The following AGMO variants were observed in gnomAD, a reference collection of about 807,000 sequenced individuals.
AGMO encodes the protein glyceryl-ether monooxygenase.
AGMO carries 75 observed loss-of-function variants against 60.2 expected under a neutral mutation model. The observed-to-expected ratio is 1.25, with a 90% confidence interval of 1.03 to 1.51. The LOEUF (loss-of-function observed/expected upper bound fraction) is 1.51, where lower values mean the gene tolerates loss of function less well. AGMO is among the 40% of genes most tolerant of loss of function. The probability of loss-of-function intolerance (pLI) is 0.00; values close to 1 mark genes in which losing one functional copy is unlikely to be tolerated. For missense variants in AGMO, 763 were observed against 525.5 expected (o/e 1.45, Z -4.42); for synonymous variants, 261 against 177.1 (o/e 1.47, Z -3.76).
At chr7:15,374,831 T>TA (rs1418789390) in intron 10 of AGMO, among the ~76,000 whole-genome samples, 3 of 151,788 alleles carry the variant, frequency 2.0e-5, no homozygotes, top group Non-Finnish European at 2.9e-5. Context: ...ATTTGGAAAA[T>TA]AGAGTACCAA....
At chr7:15,367,493 A>G (rs889206736) in intron 10 of AGMO, among the ~76,000 whole-genome samples, 3 of 152,014 alleles carry the variant, frequency 2.0e-5, no homozygotes, top group Non-Finnish European at 2.9e-5. Flanking sequence ...GAAACAAAGG[A>G]TTATCTAACT....
chr7:15,485,141 AC>A (rs1490169624), intron 3 of AGMO, among the ~76,000 whole-genome samples: 70 of 125,836 alleles, frequency 5.6e-4, no homozygotes, highest in African/African-American at 2.1e-3. Flanking sequence ...TACTAAAAAT[AC>A]AAAAAAAAAA....
intron 2 of AGMO, among the ~76,000 whole-genome samples, chr7:15,554,388 C>T (rs1326679573): frequency 1.3e-5 from 2 of 151,924 alleles, no homozygotes; most frequent in African/African-American, 2.4e-5. Context: ...AATACTAGAT[C>T]CCTTTTATGC....
intron 12 of AGMO, among the ~76,000 whole-genome samples, chr7:15,214,143 A>G (rs575260368): frequency 6.6e-6 from 1 of 152,156 alleles, no homozygotes; most frequent in African/African-American, 2.4e-5. Context: ...GAATTTCTAA[A>G]AATAATTATG....
chr7:15,542,749 A>T lies in AGMO; in HGVS notation c.409+2023T>A, dbSNP rs143796462. Among the ~76,000 whole-genome samples, 597 of 152,320 alleles carry T rather than the reference A, an allele frequency of 3.9e-3. 4 individuals carry two copies. The highest frequency in any genetic ancestry group is 0.013 in the African/African-American group (556 of 41,576). On this transcript the variant is annotated intron_variant, in intron 3 of 12. Transcript: ENST00000342526. ...ATGTAAACCATATTTATTCTTAATC[A>T]TGTTTGATTTTGGAGTAGCCTTTGC...
At chr7:15,485,233 C>T (rs957681043) in intron 3 of AGMO, among the ~76,000 whole-genome samples, 7 of 151,484 alleles carry the variant, frequency 4.6e-5, no homozygotes. Flanking sequence ...AGGAGAATCC[C>T]TTGAACCTGG....
the AGMO span, among the ~76,000 whole-genome samples, chr7:15,135,823 CT>C: frequency 7.3e-5 from 11 of 150,892 alleles, no homozygotes; most frequent in South Asian, 2.1e-4. Context: ...AAGATGAGGA[CT>C]TTTTTTTTCC....
rs377236899 is a variant in AGMO, at chr7:15,260,672, G to C, written c.1264-59313C>G. Reference sequence around the variant, plus strand: ...TATACCCTACAACAAATGGACTTGAGATATTTACAGAACATTCTACCCAAC... The same window carrying C: ...TATACCCTACAACAAATGGACTTGACATATTTACAGAACATTCTACCCAAC... On this transcript the variant is annotated intron_variant, in intron 12 of 12. Transcript: ENST00000342526. Among the ~76,000 whole-genome samples, 3 of 151,930 alleles carry C rather than the reference G, an allele frequency of 2.0e-5. No individual in the cohort carries two copies. In the East Asian group the frequency reaches 5.8e-4, roughly 29 times the overall value.
At position 15,303,886 on chromosome 7, in the gene AGMO, C is replaced by T. The variant is rs970136556; in HGVS notation, c.1263+61628G>A. Among the ~76,000 whole-genome samples, 8 of 152,256 alleles carry T rather than the reference C, an allele frequency of 5.3e-5. No homozygotes were observed. The South Asian group carries it at 1.7e-3, about 32-fold the overall frequency. ...CTGTGTTTAATTGTGAGGATCAATT[C>T]TTTCTCTGATAATCTCTTAAACTTT... On this transcript the variant is annotated intron_variant, in intron 12 of 12. Coordinates refer to ENST00000342526, the MANE Select transcript of AGMO (RefSeq NM_001004320.2).
intron 3 of AGMO, among the ~76,000 whole-genome samples, chr7:15,478,405 T>C (rs1047903111): frequency 5.9e-5 from 9 of 152,146 alleles, no homozygotes; most frequent in Non-Finnish European, 1.2e-4. Context: ...TGAAAATACA[T>C]TGAAGTACAG....
At chr7:15,440,375 G>A (rs550325692) in intron 3 of AGMO, among the ~76,000 whole-genome samples, 1 of 152,260 alleles carries the variant, frequency 6.6e-6, no homozygotes, top group East Asian at 1.9e-4. Context: ...GAAAAGGGAA[G>A]AATGAAAGTG....
rs868533615 is a variant in AGMO, at chr7:15,406,933, A to G, written c.609+11625T>C. ...CCCTTTGTTTGGAATACACACGCGC[A>G]CACACACACACACACACACGTATAT... On this transcript the variant is annotated intron_variant, in intron 5 of 12. Transcript: ENST00000342526. Among the ~76,000 whole-genome samples the G allele has an allele frequency of 1.4e-3, 187 of 131,566 alleles. 10 individuals carry two copies. The highest frequency in any genetic ancestry group is 4.0e-3 in the African/African-American group (144 of 35,796). The allele number at this position is 131,566 out of a possible 152,430, so 86.3% of individuals were successfully genotyped here.
chr7:15,144,551 T>C, the AGMO span, among the ~76,000 whole-genome samples: 2 of 152,186 alleles, frequency 1.3e-5, no homozygotes, highest in African/African-American at 4.8e-5. Context: ...TGTACGTGTA[T>C]AGAGAATGGT....
chr7:15,227,435 T>TGAC (rs970901845), intron 12 of AGMO, among the ~76,000 whole-genome samples: 38 of 149,242 alleles, frequency 2.5e-4, no homozygotes, highest in African/African-American at 9.1e-4. Flanking sequence ...ATATCAACAA[T>TGAC]GACAACAACA....
At chr7:15,318,282 G>C (rs1386103656) in intron 12 of AGMO, among the ~76,000 whole-genome samples, 2 of 151,964 alleles carry the variant, frequency 1.3e-5, no homozygotes, top group Admixed American at 6.6e-5. Flanking sequence ...GGAATTACAG[G>C]CGAGAATCAC....
At position 15,531,060 on chromosome 7, in the gene AGMO, CTG is replaced by C. The variant is rs562263610; in HGVS notation, c.409+13710_409+13711del. On this transcript the variant is annotated intron_variant, in intron 3 of 12. Coordinates refer to ENST00000342526, the MANE Select transcript of AGMO (RefSeq NM_001004320.2). ...ATTCTATATATATTCTATATATATT[CTG>C]TATATATTCTATATATATTCTATAT... Among the ~76,000 whole-genome samples the C allele has an allele frequency of 5.7e-3, 385 of 67,628 alleles. 102 individuals carry two copies. Among genetic ancestry groups the C allele is most frequent in the African/African-American group, 0.024 (352 of 14,942 alleles). 44.4% of individuals were successfully genotyped at this position (67,628 alleles called of 152,430 possible). A position where few individuals can be genotyped will look rare whatever the true frequency, so the allele number is the denominator to read the frequency against.
downstream of AGMO, among the ~76,000 whole-genome samples, chr7:15,199,818 A>G (rs1781227549): frequency 6.6e-6 from 1 of 152,202 alleles, no homozygotes; most frequent in Admixed American, 6.5e-5. Flanking sequence ...AGAATGAAGC[A>G]AAGCCAAACC....
At chr7:15,273,697 A>G (rs544030774) in intron 12 of AGMO, among the ~76,000 whole-genome samples, 20 of 152,170 alleles carry the variant, frequency 1.3e-4, no homozygotes, top group Non-Finnish European at 2.5e-4. Context: ...CATTGAATCT[A>G]TAAATTACCT....
At chr7:15,524,011 C>A (rs1021156171) in intron 3 of AGMO, among the ~76,000 whole-genome samples, 2 of 151,942 alleles carry the variant, frequency 1.3e-5, no homozygotes, top group East Asian at 3.9e-4. Context: ...AAAGTAAATA[C>A]AAACAATTGA....
Sources: gnomAD v4.1 joint callset for allele counts (sites outside exome capture counted in the v4.1 genomes callset) on GRCh38, gnomAD v4.1.1 for gene constraint, MANE v1.5 for transcripts, NCBI Gene and HGNC (gene_info 2026-07-23, HGNC 2026-07-21) for gene names.